MTOR: variants seen among roughly 807,000 people sequenced by gnomAD.
The protein encoded by MTOR is mechanistic target of rapamycin kinase.
A neutral mutation model predicts 319.8 loss-of-function variants in MTOR; 70 were observed. The ratio of observed to expected loss-of-function variants is 0.22; its 90% CI spans 0.18 to 0.27. The LOEUF (loss-of-function observed/expected upper bound fraction) is 0.27. Among genes scored for constraint, MTOR ranks in the 10% least tolerant of loss-of-function variants. MTOR has a pLI of 1.00. For synonymous variants in MTOR, 1,183 were observed against 1,211.4 expected, an observed-to-expected ratio of 0.98 and a Z score of 0.49; for missense variants, 1,890 against 3,274.4, an observed-to-expected ratio of 0.58 and a Z score of 10.32.
At chr1:11,241,441 C>T in intron 10 of MTOR, 112 bp downstream of exon 10, 1 of 1,334,730 alleles carries the variant, frequency 7.5e-7, no homozygotes, top group South Asian at 1.5e-5. Context: ...CTAAGCTATC[C>T]TGTCCATCCA....
At chr1:11,209,264 A>G (rs765152452) in intron 25 of MTOR, 48 bp downstream of exon 25, 19 of 1,611,038 alleles carry the variant, frequency 1.2e-5, no homozygotes, top group Admixed American at 5.0e-5. Flanking sequence ...TGAGTAAGTG[A>G]GAAGAGCAGA....
intron 28 of MTOR, among the ~76,000 whole-genome samples, chr1:11,186,082 CAAAAAAAA>C (rs765868801): frequency 2.3e-5 from 1 of 43,010 alleles, no homozygotes; most frequent in Non-Finnish European, 4.8e-5. Flanking sequence ...GACTCCGTCT[CAAAAAAAA>C]AAAAAAAAAA....
At chr1:11,126,956 A>G in intron 45 of MTOR, 54 bp downstream of exon 45, 1 of 1,605,264 alleles carries the variant, frequency 6.2e-7, no homozygotes, top group Non-Finnish European at 8.5e-7. Flanking sequence ...ATAGACAGTA[A>G]AACAGAAAGG....
In MTOR at chr1:11,127,043, A is replaced by G. The variant is rs1184170885; in HGVS notation, c.6318T>C (p.His2106=). The G allele has an allele frequency of 1.2e-6, 2 of 1,614,240 alleles. No homozygotes were observed. Among genetic ancestry groups the G allele is most frequent in the Admixed American group, 1.7e-5 (1 of 60,026 alleles). Reference sequence around the variant, plus strand: ...GCTGCTTTGAGATTCGTCGGAACACATGATAATAGAGGTCCCAGGCTTGGG... The same window carrying G: ...GCTGCTTTGAGATTCGTCGGAACACGTGATAATAGAGGTCCCAGGCTTGGG... ...DLTQAWDLYY[H]VFRRISKQLP... is the part of the protein sequence containing the mutation. Residue 2106 remains histidine (H), a synonymous_variant, in exon 45 of 58, where the codon CAT becomes CAC. Coordinates refer to ENST00000361445, the MANE Select transcript of MTOR (RefSeq NM_004958.4). The surrounding 1 kb of genome is among the most constrained non-coding windows in gnomAD (Gnocchi z 5.5).
intron 28 of MTOR, among the ~76,000 whole-genome samples, chr1:11,173,840 C>T (rs960625653): frequency 6.6e-6 from 1 of 152,176 alleles, no homozygotes; most frequent in Non-Finnish European, 1.5e-5. Context: ...TCAAGAGAGT[C>T]TGTTATCTTG....
rs879341218 is a variant in MTOR at position 11,106,878 on chromosome 1, C to G, written c.*607G>C. On this transcript the variant is annotated 3_prime_UTR_variant, in exon 58 of 58. Transcript: ENST00000361445. ...TAAACCTCCCTACTAGCGGTCAGGTCTTGAATTGAAGCGTGTGAGTCGCAG... is the reference window on the plus strand; with the variant it reads ...TAAACCTCCCTACTAGCGGTCAGGTGTTGAATTGAAGCGTGTGAGTCGCAG... The G allele has an allele frequency of 6.7e-6, 9 of 1,352,886 alleles. No individual in the cohort carries two copies. Among genetic ancestry groups the G allele is most frequent in the African/African-American group, 1.4e-5 (1 of 69,518 alleles). 83.8% of individuals were successfully genotyped at this position (1,352,886 alleles called of 1,614,324 possible).
intron 1 of MTOR, 54 bp from the exon 2 acceptor site, chr1:11,259,477 T>G: frequency 3.3e-6 from 5 of 1,494,312 alleles, no homozygotes; most frequent in Non-Finnish European, 4.4e-6. Flanking sequence ...GATGATAAAT[T>G]TACTTATGGC....
At chr1:11,208,046 GT>G (rs968623866) in intron 25 of MTOR, among the ~76,000 whole-genome samples, 3 of 152,138 alleles carry the variant, frequency 2.0e-5, no homozygotes, top group Non-Finnish European at 2.9e-5. Context: ...CGGCTGCCTG[GT>G]TGGAAGGACA....
intron 34 of MTOR, among the ~76,000 whole-genome samples, chr1:11,140,509 C>T (rs1035530188): frequency 1.3e-5 from 2 of 152,208 alleles, no homozygotes; most frequent in Admixed American, 1.3e-4. Context: ...TCCTAACAGG[C>T]TACTCACCGG....
In MTOR at chr1:11,231,067, G is replaced by T; in HGVS notation, c.2650-13C>A. 6.2e-7 allele frequency: 1 copy of T among 1,613,892 alleles called. No homozygotes were observed. Among genetic ancestry groups the T allele is most frequent in the Non-Finnish European group, 8.5e-7 (1 of 1,179,926 alleles). ...ACACACGGATGGCCTGCGTGGGAAA[G>T]GGGAGGGAAAAAAGAAAACATTCAT... On this transcript the variant is annotated splice_polypyrimidine_tract_variant and intron_variant, in intron 17 of 57. Transcript: ENST00000361445.
At chr1:11,197,987 A>G (rs1645841535) in intron 28 of MTOR, among the ~76,000 whole-genome samples, 1 of 152,246 alleles carries the variant, frequency 6.6e-6, no homozygotes, top group Non-Finnish European at 1.5e-5. Flanking sequence ...ACAAATCTGC[A>G]TAACTTTAAG....
chr1:11,125,918 G>A (rs1642807142), intron 46 of MTOR, among the ~76,000 whole-genome samples: 2 of 151,422 alleles, frequency 1.3e-5, no homozygotes, highest in South Asian at 2.1e-4. Flanking sequence ...GTGCGTGCCT[G>A]TAATCCCAGC....
Position 11,248,047 on chromosome 1 carries a change from G to A in MTOR, c.888C>T (p.His296=), listed in dbSNP as rs754711973. 5.0e-6 allele frequency: 8 copies of A among 1,613,708 alleles called. No individual in the cohort carries two copies. In the Admixed American group the frequency reaches 5.0e-5, roughly 10 times the overall value. ...MEEITQQQLV[H]DKYCKDLMGF... is the part of the protein sequence containing the mutation. ...CCATGAGATCTTTGCAGTACTTGTCGTGTACCAGCTGCTGCTGTGTGATTT... is the reference window on the plus strand; with the variant it reads ...CCATGAGATCTTTGCAGTACTTGTCATGTACCAGCTGCTGCTGTGTGATTT... Residue 296 remains histidine (H), a synonymous_variant, in exon 7 of 58, where the codon CAC becomes CAT. Transcript: ENST00000361445.
At position 11,129,903 on chromosome 1, in the gene MTOR, A is replaced by G; in HGVS notation, c.5614-65T>C. 1 of 1,384,598 alleles carries G rather than the reference A, an allele frequency of 7.2e-7. No homozygotes were observed. The highest frequency in any genetic ancestry group is 1.0e-6 in the Non-Finnish European group (1 of 975,988). The allele number at this position is 1,384,598 out of a possible 1,614,324, so 85.8% of individuals were successfully genotyped here. On this transcript the variant is annotated intron_variant, in intron 39 of 57. Coordinates refer to ENST00000361445, the MANE Select transcript of MTOR (RefSeq NM_004958.4). This position sits in a 1 kb window ranked among gnomAD's most constrained non-coding sequence, Gnocchi z 4.7. ...GCTTTCTCATCTGTAAAATGGGCAT[A>G]AGAGCATACTAACTGTACCTACTTC...
intron 20 of MTOR, among the ~76,000 whole-genome samples, chr1:11,215,815 G>A (rs1646451135): frequency 6.6e-6 from 1 of 152,202 alleles, no homozygotes; most frequent in Non-Finnish European, 1.5e-5. Flanking sequence ...CAGTAACAAA[G>A]AGGGCTTTCA....
chr1:11,236,883 C>T (rs1647286573), intron 13 of MTOR, among the ~76,000 whole-genome samples: 1 of 152,144 alleles, frequency 6.6e-6, no homozygotes, highest in African/African-American at 2.4e-5. Flanking sequence ...GCACTTCTAA[C>T]GCAGGCCGGC....
rs2100381345 is a variant in MTOR at position 11,124,522 on chromosome 1, G to C, written c.6638C>G (p.Pro2213Arg). The change falls in exon 47 of 58, where the codon CCA becomes CGA. Residue 2213 changes from proline to arginine, a missense_variant. Pro to Arg is a moderately radical substitution (Grantham distance 103). Coordinates refer to ENST00000361445, the MANE Select transcript of MTOR (RefSeq NM_004958.4). ...GLVNTLLAND[P>R]TSLRKNLSIQ... ...CCTGAGGTTTTTCCGAAGAGATGTT[G>C]GGTCATTGGCCAGAAGGGTGTTAAC... The C allele has an allele frequency of 6.2e-7, 1 of 1,608,868 alleles. No individual in the cohort carries two copies. Among genetic ancestry groups the C allele is most frequent in the Non-Finnish European group, 8.5e-7 (1 of 1,175,450 alleles).
chr1:11,148,325 C>T (rs560421319), intron 31 of MTOR, among the ~76,000 whole-genome samples: 7 of 152,264 alleles, frequency 4.6e-5, no homozygotes, highest in African/African-American at 1.4e-4. Flanking sequence ...CAGTAACTTG[C>T]TTTAGGCAAC....
chr1:11,194,897 A>C, intron 28 of MTOR: 1 of 1,614,128 alleles, frequency 6.2e-7, no homozygotes, highest in Non-Finnish European at 8.5e-7. Context: ...ACCTCAATGG[A>C]GTGTACTACC....
Sources: allele counts gnomAD v4.1 joint callset (sites outside exome capture counted in the v4.1 genomes callset), GRCh38; gene constraint gnomAD v4.1.1; non-coding constraint Gnocchi (gnomAD v3.1); transcripts MANE v1.5; gene names NCBI Gene and HGNC (gene_info 2026-07-23, HGNC 2026-07-21).